The following UBR3 variants were observed in gnomAD, a reference collection of about 807,000 sequenced individuals.
The protein encoded by UBR3 is E3 ubiquitin-protein ligase UBR3.
UBR3 carries 85 observed loss-of-function variants against 243.2 expected under a neutral mutation model. The observed-to-expected ratio is 0.35, with a 90% CI of 0.29 to 0.42. UBR3 has a LOEUF of 0.42. Ranked by LOEUF, UBR3 falls within the 10% of genes least tolerant of loss-of-function variation. The probability of loss-of-function intolerance (pLI) is 1.00; values close to 1 mark genes in which losing one functional copy is unlikely to be tolerated. For synonymous variants in UBR3, 748 were observed against 799.8 expected (o/e 0.94, Z 1.09); for missense variants, 1,686 against 2,300.8 (o/e 0.73, Z 5.47).
intron 20 of UBR3, among the ~76,000 whole-genome samples, chr2:169,944,236 A>G (rs2086702802): frequency 6.6e-6 from 1 of 152,132 alleles, no homozygotes; most frequent in Non-Finnish European, 1.5e-5. Flanking sequence ...AAATCCTTAT[A>G]AGTGAAAGTT....
intron 1 of UBR3, among the ~76,000 whole-genome samples, chr2:169,849,117 T>C (rs1028984562): frequency 1.3e-5 from 2 of 152,152 alleles, no homozygotes; most frequent in African/African-American, 4.8e-5. Context: ...GTCGGCCACT[T>C]GTCCGTTCAC....
At chr2:169,836,065 A>ATTTTTTTTTTTTT in intron 1 of UBR3, among the ~76,000 whole-genome samples, 1 of 27,938 alleles carries the variant, frequency 3.6e-5, no homozygotes, top group African/African-American at 1.1e-4. Flanking sequence ...ATATATATAT[A>ATTTTTTTTTTTTT]TATTTTTTTT....
chr2:169,840,554 G>A (rs2082257979), intron 1 of UBR3, among the ~76,000 whole-genome samples: 1 of 152,272 alleles, frequency 6.6e-6, no homozygotes, highest in South Asian at 2.1e-4. Flanking sequence ...TGGTTCTGGG[G>A]TTTTGGGGGC....
chr2:169,885,105 G>A (rs2084038154), intron 5 of UBR3, among the ~76,000 whole-genome samples: 1 of 152,138 alleles, frequency 6.6e-6, no homozygotes, highest in Admixed American at 6.6e-5. Context: ...ATATAGTGAA[G>A]AGCTAGGTAT....
intron 31 of UBR3, among the ~76,000 whole-genome samples, chr2:170,033,693 A>T (rs1272978133): frequency 6.7e-6 from 1 of 148,980 alleles, no homozygotes; most frequent in Admixed American, 6.8e-5. Context: ...ATATATTTTT[A>T]AAATTGAAAT....
intron 8 of UBR3, 96 bp downstream of exon 8, chr2:169,896,831 T>A (rs2084610631): frequency 1.2e-6 from 1 of 824,320 alleles, no homozygotes; most frequent in Non-Finnish European, 1.7e-6. Flanking sequence ...TTACTAATAA[T>A]GATACTTAGT....
At chr2:170,080,193 G>A (rs566140174) in intron 37 of UBR3, 170 bp downstream of exon 37, 2 of 664,024 alleles carry the variant, frequency 3.0e-6, no homozygotes, top group Admixed American at 3.4e-5. Context: ...AAGTCTTTGA[G>A]GCTTTAAGTG....
intron 35 of UBR3, among the ~76,000 whole-genome samples, chr2:170,065,248 C>T (rs1026678123): frequency 2.0e-5 from 3 of 152,144 alleles, no homozygotes; most frequent in Non-Finnish European, 2.9e-5. Flanking sequence ...AGACATTGAA[C>T]GTGGTTTATA....
At chr2:169,861,236 A>G (rs544866266) in intron 1 of UBR3, among the ~76,000 whole-genome samples, 4 of 152,304 alleles carry the variant, frequency 2.6e-5, no homozygotes, top group African/African-American at 9.6e-5. Context: ...GTATCCAATC[A>G]AGTTGACAGT....
chr2:170,039,841 T>C (rs1022831053), intron 31 of UBR3, among the ~76,000 whole-genome samples: 2 of 152,188 alleles, frequency 1.3e-5, no homozygotes, highest in African/African-American at 2.4e-5. Context: ...ATAGTCTATG[T>C]TTTTCATAGT....
chr2:170,066,682 A>T (rs544210040), intron 35 of UBR3, among the ~76,000 whole-genome samples: 1 of 152,106 alleles, frequency 6.6e-6, no homozygotes, highest in Admixed American at 6.6e-5. Context: ...AAACTTCGTT[A>T]TAGGCTGGGT....
intron 29 of UBR3, 65 bp from the exon 30 acceptor site, chr2:170,015,216 G>A: frequency 7.3e-7 from 1 of 1,365,826 alleles, no homozygotes. Context: ...ATTCAGACAT[G>A]TCAATAAAGC....
intron 22 of UBR3, among the ~76,000 whole-genome samples, chr2:169,948,754 A>T (rs1045119464): frequency 6.6e-6 from 1 of 152,028 alleles, no homozygotes; most frequent in Non-Finnish European, 1.5e-5. Context: ...CTCAACTGAT[A>T]TTACAGCATC....
intron 19 of UBR3, among the ~76,000 whole-genome samples, chr2:169,933,635 T>A (rs1189950628): frequency 3.3e-5 from 5 of 152,196 alleles, no homozygotes; most frequent in Non-Finnish European, 7.3e-5. Flanking sequence ...GATATCATCT[T>A]TTACTTGTGC....
At chr2:170,062,902 A>G (rs1268414576) in intron 35 of UBR3, among the ~76,000 whole-genome samples, 2 of 152,216 alleles carry the variant, frequency 1.3e-5, no homozygotes, top group African/African-American at 2.4e-5. Flanking sequence ...AATACATTCA[A>G]TATGTTGCAT....
intron 20 of UBR3, among the ~76,000 whole-genome samples, chr2:169,944,152 T>A (rs2086700609): frequency 6.6e-6 from 1 of 152,242 alleles, no homozygotes; most frequent in Non-Finnish European, 1.5e-5. Context: ...AGTCTTTGAA[T>A]GTTTACTTAG....
At chr2:170,026,986 T>C (rs1291801916) in intron 30 of UBR3, among the ~76,000 whole-genome samples, 1 of 152,078 alleles carries the variant, frequency 6.6e-6, no homozygotes, top group South Asian at 2.1e-4. Flanking sequence ...AATAATGAAT[T>C]TTATTAACAA....
chr2:169,936,838 A>T (rs974810125), intron 19 of UBR3, among the ~76,000 whole-genome samples: 1 of 152,214 alleles, frequency 6.6e-6, no homozygotes, highest in African/African-American at 2.4e-5. Context: ...ATGTCCGTAC[A>T]AAGGACATGA....
In UBR3 at chr2:169,923,895, T is replaced by G. The variant is rs528638608; in HGVS notation, c.1867-34T>G. On this transcript the variant is annotated intron_variant, in intron 11 of 38. Transcript: ENST00000272793. The stretch of plus-strand genomic sequence containing the variant: ...CCATCTTAAAATTTCTATAAAATAG[T>G]CTTTGACTTGTGCATTTTGTTTGTT... 3 of 1,504,534 alleles carry G rather than the reference T, an allele frequency of 2.0e-6. No homozygotes were observed. The African/African-American group carries it at 4.2e-5, about 21-fold the overall frequency. 93.2% of individuals were successfully genotyped at this position (1,504,534 alleles called of 1,614,324 possible). A position where few individuals can be genotyped will look rare whatever the true frequency, so the allele number is the denominator to read the frequency against.
Sources: allele counts gnomAD v4.1 joint callset (sites outside exome capture counted in the v4.1 genomes callset), GRCh38; gene constraint gnomAD v4.1.1; transcripts MANE v1.5; gene names NCBI Gene and HGNC (gene_info 2026-07-23, HGNC 2026-07-21).